UBE2K: variants seen among roughly 807,000 people sequenced by gnomAD.
The protein encoded by UBE2K is ubiquitin conjugating enzyme E2 K.
UBE2K carries 6 observed loss-of-function variants against 30.0 expected under a neutral mutation model. The observed-to-expected ratio is 0.20, with a 90% CI of 0.11 to 0.39. The LOEUF (loss-of-function observed/expected upper bound fraction) is 0.39, where lower values mean the gene tolerates loss of function less well. Ranked by LOEUF, UBE2K falls within the 10% of genes least tolerant of loss-of-function variation. The pLI, the probability that UBE2K is intolerant of heterozygous loss-of-function variation, is 1.00. For synonymous variants in UBE2K, 86 were observed against 83.7 expected (o/e 1.03, Z -0.15); for missense variants, 61 against 241.6 (o/e 0.25, Z 4.96).
At chr4:39,756,199 G>A (rs1227929916) in intron 4 of UBE2K, among the ~76,000 whole-genome samples, 2 of 152,252 alleles carry the variant, frequency 1.3e-5, no homozygotes, top group East Asian at 1.9e-4. Context: ...TTTGGATAGC[G>A]GTATTGTGCT....
rs564884046 is a variant in UBE2K at position 39,762,092 on chromosome 4, C to T, written c.299+6353C>T. Among the ~76,000 whole-genome samples the T allele has an allele frequency of 9.9e-5, 15 of 151,914 alleles. No individual in the cohort carries two copies. In the East Asian group the frequency reaches 1.2e-3, roughly 12 times the overall value. On this transcript the variant is annotated intron_variant, in intron 4 of 6. Transcript: ENST00000261427. ...TACTCTGGAGGCTGAGGCAGAGAAT[C>T]GCTTAAACCTGGAGGGGCAGAGGTT... is the stretch of plus-strand genomic sequence containing the variant.
At chr4:39,706,206 CG>C (rs1718354043) in intron 1 of UBE2K, among the ~76,000 whole-genome samples, 2 of 151,820 alleles carry the variant, frequency 1.3e-5, no homozygotes, top group Non-Finnish European at 1.5e-5. Context: ...TTAGTAGAGA[CG>C]GGGTTTCACC....
In UBE2K at chr4:39,767,614, C is replaced by T. The variant is rs28665570; in HGVS notation, c.300-7220C>T. On this transcript the variant is annotated intron_variant, in intron 4 of 6. Transcript: ENST00000261427. Reference sequence around the variant, plus strand: ...TTGGGATTACAGGCATGAGCCACTGCGCCCGGCCCAGGATTATCAGTTTTC... The same window carrying T: ...TTGGGATTACAGGCATGAGCCACTGTGCCCGGCCCAGGATTATCAGTTTTC... 6.2e-3 allele frequency among the ~76,000 whole-genome samples: 950 copies of T among 152,222 alleles called. 7 individuals carry two copies. Among genetic ancestry groups the T allele is most frequent in the African/African-American group, 0.02 (851 of 41,522 alleles).
At chr4:39,709,766 C>G (rs780214901) in intron 1 of UBE2K, among the ~76,000 whole-genome samples, 1 of 151,894 alleles carries the variant, frequency 6.6e-6, no homozygotes, top group Non-Finnish European at 1.5e-5. Context: ...ATAAATCGTT[C>G]AAAGTTTGTG....
intron 5 of UBE2K, 48 bp downstream of exon 5, chr4:39,774,981 C>G (rs201307302): frequency 6.1e-6 from 8 of 1,319,608 alleles, no homozygotes; most frequent in Admixed American, 4.2e-5. Context: ...GTATGAGTCT[C>G]TAGCCACTTC....
At chr4:39,717,542 C>T (rs1719150054) in intron 1 of UBE2K, among the ~76,000 whole-genome samples, 1 of 152,204 alleles carries the variant, frequency 6.6e-6, no homozygotes, top group African/African-American at 2.4e-5. Context: ...CCCAGCTTTT[C>T]TAGTCAACCC....
intron 3 of UBE2K, among the ~76,000 whole-genome samples, chr4:39,752,493 C>T (rs1257854365): frequency 6.6e-6 from 1 of 151,934 alleles, no homozygotes; most frequent in African/African-American, 2.4e-5. Context: ...CCCGCCACCG[C>T]GCCCGGCTAA....
rs535177868 is a variant in UBE2K at position 39,717,878 on chromosome 4, T to C, written c.63+19488T>C. 2.0e-5 allele frequency among the ~76,000 whole-genome samples: 3 copies of C among 147,246 alleles called. No individual in the cohort carries two copies. In the South Asian group the frequency reaches 6.3e-4, roughly 31 times the overall value. On this transcript the variant is annotated intron_variant, in intron 1 of 6. Coordinates refer to ENST00000261427, the MANE Select transcript of UBE2K (RefSeq NM_005339.5). The stretch of plus-strand genomic sequence containing the variant: ...CCTTCGCGGTGAGTGTTACAGCTCT[T>C]AAGGCGGCGCGTCTGGAGTTGTTCG...
Position 39,727,995 on chromosome 4 carries a change from G to A in UBE2K, c.64-9425G>A, listed in dbSNP as rs545351151. 9.2e-5 allele frequency among the ~76,000 whole-genome samples: 14 copies of A among 152,188 alleles called. No homozygotes were observed. In the South Asian group the frequency reaches 2.1e-3, roughly 23 times the overall value. The stretch of plus-strand genomic sequence containing the variant: ...AAAATATGTAAGAAATTAGCCAGGC[G>A]TGGTGCTGTGCGCCTGTAGTCCCAG... On this transcript the variant is annotated intron_variant, in intron 1 of 6. Coordinates refer to ENST00000261427, the MANE Select transcript of UBE2K (RefSeq NM_005339.5).
At chr4:39,773,522 T>G (rs1313532738) in intron 4 of UBE2K, among the ~76,000 whole-genome samples, 1 of 151,976 alleles carries the variant, frequency 6.6e-6, no homozygotes, top group Non-Finnish European at 1.5e-5. Context: ...GTATCTTGTT[T>G]TTAGAGTGCC....
intron 2 of UBE2K, among the ~76,000 whole-genome samples, chr4:39,738,732 C>T (rs769692492): frequency 5.3e-5 from 8 of 152,130 alleles, no homozygotes; most frequent in South Asian, 2.1e-4. Flanking sequence ...GCCTGGAGTG[C>T]GGTGGTGAAA....
At position 39,779,473 on chromosome 4, in the gene UBE2K, C is replaced by CA. The variant is rs1438884492; in HGVS notation, c.*1040dup. On this transcript the variant is annotated 3_prime_UTR_variant, in exon 7 of 7. Transcript: ENST00000261427. Reference sequence around the variant, plus strand: ...TTCTTGCTTGCACTTCCCCTATTGACACATGAAAGCTGTGTTGGTGTTTTA... The same window carrying CA: ...TTCTTGCTTGCACTTCCCCTATTGACAACATGAAAGCTGTGTTGGTGTTTTA... The CA allele has an allele frequency of 1.3e-5, 2 of 152,520 alleles. No individual in the cohort carries two copies. The highest frequency in any genetic ancestry group is 2.9e-5 in the Non-Finnish European group (2 of 68,020). 9.4% of individuals were successfully genotyped at this position (152,520 alleles called of 1,614,324 possible).
intron 4 of UBE2K, among the ~76,000 whole-genome samples, chr4:39,773,781 C>G (rs1019700806): frequency 1.2e-4 from 18 of 151,806 alleles, no homozygotes; most frequent in African/African-American, 4.1e-4. Flanking sequence ...ATTAGCCGGG[C>G]GTGGTGGCGG....
At chr4:39,752,333 TTC>T (rs1167116081) in intron 3 of UBE2K, among the ~76,000 whole-genome samples, 8 of 103,426 alleles carry the variant, frequency 7.7e-5, no homozygotes, top group African/African-American at 2.6e-4. Context: ...TTCTTTTTTT[TTC>T]TTTTTTTTTT....
At position 39,698,256 on chromosome 4, in the gene UBE2K, A is replaced by G. The variant is rs1343342783; in HGVS notation, c.-72A>G. 1 of 1,444,108 alleles carries G rather than the reference A, an allele frequency of 6.9e-7. No homozygotes were observed. The highest frequency in any genetic ancestry group is 9.6e-7 in the Non-Finnish European group (1 of 1,040,582). 89.5% of individuals were successfully genotyped at this position (1,444,108 alleles called of 1,614,324 possible). ...CGCCGAGGGAGGAGGCGGTGGAGGA[A>G]GAGGTGGCGGCGGTGGCGGTGGTCG... On this transcript the variant is annotated 5_prime_UTR_variant, in exon 1 of 7. Transcript: ENST00000261427.
At position 39,698,337 on chromosome 4, in the gene UBE2K, A is replaced by C; in HGVS notation, c.10A>C (p.Ile4Leu). Residue 4 changes from isoleucine (I) to leucine (L), a missense_variant, in exon 1 of 7, where the codon ATC becomes CTC. Physicochemically the swap from Ile to Leu is conservative, Grantham distance 5 (BLOSUM62 2). Transcript: ENST00000261427. ...AGCTGCGGGCGGAGACATGGCCAACATCGCGGTGCAGCGAATCAAGCGGGA... is the reference window on the plus strand; with the variant it reads ...AGCTGCGGGCGGAGACATGGCCAACCTCGCGGTGCAGCGAATCAAGCGGGA... MAN[I>L]AVQRIKREFK... is the part of the protein sequence containing the mutation. 1 of 1,612,946 alleles carries C rather than the reference A, an allele frequency of 6.2e-7. No homozygotes were observed. The highest frequency in any genetic ancestry group is 8.5e-7 in the Non-Finnish European group (1 of 1,179,638).
intron 1 of UBE2K, among the ~76,000 whole-genome samples, chr4:39,731,269 C>T (rs550677744): frequency 1.3e-5 from 2 of 152,258 alleles, no homozygotes; most frequent in South Asian, 2.1e-4. Context: ...GTATTGGATA[C>T]TGCTCGTCTA....
intron 3 of UBE2K, among the ~76,000 whole-genome samples, chr4:39,747,782 A>G (rs1721055510): frequency 6.6e-6 from 1 of 150,716 alleles, no homozygotes; most frequent in Non-Finnish European, 1.5e-5. Context: ...TCGCCCGGCT[A>G]ATTTTGTTGT....
Position 39,762,941 on chromosome 4 carries a change from T to G in UBE2K, c.299+7202T>G, listed in dbSNP as rs1463103804. On this transcript the variant is annotated intron_variant, in intron 4 of 6. Transcript: ENST00000261427. ...ACGCACCCGGCCAAAAAACACTTTTTTTTTTTTTTTTTTTTTTTTTTTGGA... is the reference window on the plus strand; with the variant it reads ...ACGCACCCGGCCAAAAAACACTTTTGTTTTTTTTTTTTTTTTTTTTTTGGA... Among the ~76,000 whole-genome samples, 28 of 128,450 alleles carry G rather than the reference T, an allele frequency of 2.2e-4. No homozygotes were observed. The East Asian group carries it at 5.0e-3, about 23-fold the overall frequency. The allele number at this position is 128,450 out of a possible 152,430, so 84.3% of individuals were successfully genotyped here. A position where few individuals can be genotyped will look rare whatever the true frequency, so the allele number is the denominator to read the frequency against.
Sources: allele counts gnomAD v4.1 joint callset (sites outside exome capture counted in the v4.1 genomes callset), GRCh38; gene constraint gnomAD v4.1.1; transcripts MANE v1.5; gene names NCBI Gene and HGNC (gene_info 2026-07-23, HGNC 2026-07-21).